GRXCR2: variants seen among roughly 807,000 people sequenced by gnomAD.
GRXCR2 encodes the protein glutaredoxin and cysteine rich domain containing 2, also known as glutaredoxin domain-containing cysteine-rich protein 2.
Under a neutral mutation model 24.8 loss-of-function variants are expected in GRXCR2, and 23 were observed. That is an observed-to-expected ratio of 0.93 (90% CI 0.67 to 1.32). The LOEUF (loss-of-function observed/expected upper bound fraction) is 1.32. GRXCR2 is among the 40% of genes most tolerant of loss of function. The pLI is 0.00. For missense variants in GRXCR2, 315 were observed against 303.4 expected (o/e 1.04, Z -0.28); for synonymous variants, 130 against 116.1 (o/e 1.12, Z -0.77).
At chr5:145,896,436 G>GA (rs1756950568) in intron 2 of GRXCR2, among the ~76,000 whole-genome samples, 1 of 151,956 alleles carries the variant, frequency 6.6e-6, no homozygotes, top group South Asian at 2.1e-4. Flanking sequence ...AAATGTACAA[G>GA]AAAAAAACAA....
intron 1 of GRXCR2, among the ~76,000 whole-genome samples, chr5:145,869,138 G>C (rs1756482907): frequency 6.6e-6 from 1 of 152,186 alleles, no homozygotes; most frequent in Non-Finnish European, 1.5e-5. Flanking sequence ...TTGGGTACTA[G>C]AAATTCAGTG....
intron 2 of GRXCR2, among the ~76,000 whole-genome samples, chr5:145,921,481 C>T (rs1481874400): frequency 6.6e-6 from 1 of 152,126 alleles, no homozygotes; most frequent in Non-Finnish European, 1.5e-5. Context: ...TTCCCTTTCT[C>T]CCTGTGAGAT....
chr5:145,883,023 G>A (rs1028101285), intron 2 of GRXCR2, among the ~76,000 whole-genome samples: 11 of 132,064 alleles, frequency 8.3e-5, no homozygotes, highest in Admixed American at 2.3e-4. Flanking sequence ...GGCCTGTTGT[G>A]GGGTGGGGGG....
intron 2 of GRXCR2, among the ~76,000 whole-genome samples, chr5:145,905,743 A>T (rs760860789): frequency 1.3e-5 from 2 of 152,216 alleles, no homozygotes; most frequent in Non-Finnish European, 2.9e-5. Context: ...TGGCTTTTAT[A>T]TGCATAGAGG....
chr5:145,862,716 C>T (rs1278780316), intron 2 of GRXCR2, among the ~76,000 whole-genome samples: 1 of 152,124 alleles, frequency 6.6e-6, no homozygotes, highest in African/African-American at 2.4e-5. Flanking sequence ...ATTGAGACTG[C>T]ATAATAGGGT....
intron 1 of GRXCR2, among the ~76,000 whole-genome samples, chr5:145,870,368 T>C (rs1042854800): frequency 6.6e-6 from 1 of 152,156 alleles, no homozygotes; most frequent in South Asian, 2.1e-4. Flanking sequence ...TCATTTAGTA[T>C]AACGTCTTCA....
chr5:145,915,115 C>T (rs1757218546), intron 2 of GRXCR2, among the ~76,000 whole-genome samples: 1 of 152,124 alleles, frequency 6.6e-6, no homozygotes, highest in Non-Finnish European at 1.5e-5. Context: ...GTCCCACAGG[C>T]TCCCCACCCA....
intron 2 of GRXCR2, among the ~76,000 whole-genome samples, chr5:145,917,266 A>G (rs1056683437): frequency 2.6e-5 from 4 of 151,506 alleles, no homozygotes; most frequent in African/African-American, 7.3e-5. Flanking sequence ...CACGGCTCAG[A>G]AAGGAAAGCA....
At chr5:145,886,728 G>T (rs1326766098) in intron 2 of GRXCR2, among the ~76,000 whole-genome samples, 2 of 152,092 alleles carry the variant, frequency 1.3e-5, no homozygotes, top group Non-Finnish European at 2.9e-5. Flanking sequence ...CATATTTTTA[G>T]ATTTTCCAGT....
At chr5:145,910,447 T>C (rs1006800877) in intron 2 of GRXCR2, among the ~76,000 whole-genome samples, 4 of 152,120 alleles carry the variant, frequency 2.6e-5, no homozygotes, top group Admixed American at 2.6e-4. Flanking sequence ...CCACTGTTCA[T>C]AAAAATAATG....
chr5:145,873,677 AG>A (rs1756568855), upstream of GRXCR2, among the ~76,000 whole-genome samples: 1 of 152,238 alleles, frequency 6.6e-6, no homozygotes, highest in Admixed American at 6.5e-5. Flanking sequence ...GCTGCTGCTA[AG>A]AACAGGAGAA....
chr5:145,887,936 A>C (rs1756799756), intron 2 of GRXCR2, among the ~76,000 whole-genome samples: 1 of 152,224 alleles, frequency 6.6e-6, no homozygotes, highest in African/African-American at 2.4e-5. Context: ...TGTTTTTAAA[A>C]TATGTAGTAT....
In GRXCR2 at chr5:145,859,731, G is replaced by C. The variant is rs1266720839; in HGVS notation, c.*2C>G. ...TAACAGTGGACATGCAAAAGCCACG[G>C]GCTATTGATTGCAAATCTGGCAAGG... On this transcript the variant is annotated 3_prime_UTR_variant, in exon 3 of 3. Transcript: ENST00000377976. The C allele has an allele frequency of 6.2e-7, 1 of 1,614,014 alleles. No individual in the cohort carries two copies. The highest frequency in any genetic ancestry group is 2.2e-5 in the East Asian group (1 of 44,876).
At chr5:145,905,075 G>A (rs1418598983) in intron 2 of GRXCR2, among the ~76,000 whole-genome samples, 1 of 152,164 alleles carries the variant, frequency 6.6e-6, no homozygotes, top group Non-Finnish European at 1.5e-5. Context: ...CTGAGGGAGG[G>A]AACGACCCAA....
chr5:145,880,893 G>T (rs1756690504), intron 2 of GRXCR2, among the ~76,000 whole-genome samples: 1 of 152,164 alleles, frequency 6.6e-6, no homozygotes, highest in Admixed American at 6.5e-5. Context: ...ATCAATAAAT[G>T]TAATCCATCA....
At position 145,881,161 on chromosome 5, in the gene GRXCR2, T is replaced by A. The variant is rs576592160; in HGVS notation, c.-69-14433A>T. On this transcript the variant is annotated intron_variant, in intron 2 of 3. Transcript: ENST00000639411. Reference sequence around the variant, plus strand: ...CTCTCACCACTCCTATTTAACATAGTGTTGGAAGTTCTGGCCAGGGCAATC... The same window carrying A: ...CTCTCACCACTCCTATTTAACATAGAGTTGGAAGTTCTGGCCAGGGCAATC... Among the ~76,000 whole-genome samples the A allele has an allele frequency of 2.2e-3, 340 of 152,330 alleles. 3 individuals carry two copies. Among genetic ancestry groups the A allele is most frequent in the African/African-American group, 7.9e-3 (328 of 41,574 alleles).
chr5:145,869,191 T>G (rs941301622), intron 1 of GRXCR2, among the ~76,000 whole-genome samples: 11 of 152,250 alleles, frequency 7.2e-5, no homozygotes, highest in African/African-American at 2.7e-4. Flanking sequence ...TGTATTAAAA[T>G]GTTGTTTGAC....
At chr5:145,930,431 G>T (rs984369846) in intron 2 of GRXCR2, among the ~76,000 whole-genome samples, 1 of 152,148 alleles carries the variant, frequency 6.6e-6, no homozygotes, top group African/African-American at 2.4e-5. Flanking sequence ...GCAGGCAATA[G>T]CATTTAACTG....
chr5:145,866,178 GC>G (rs1030902271), intron 2 of GRXCR2, among the ~76,000 whole-genome samples: 8 of 151,154 alleles, frequency 5.3e-5, no homozygotes, highest in African/African-American at 1.9e-4. Flanking sequence ...AAAATATAGG[GC>G]TGATATATTT....
Sources: allele counts gnomAD v4.1 joint callset (sites outside exome capture counted in the v4.1 genomes callset), GRCh38; gene constraint gnomAD v4.1.1; transcripts MANE v1.5; gene names NCBI Gene and HGNC (gene_info 2026-07-23, HGNC 2026-07-21).